Variants in MIR2052HG observed in about 807,000 individuals in gnomAD.
MIR2052HG encodes the protein MIR2052 host gene.
At chr8:74,670,930 C>T (rs965985351) in intron 2 of MIR2052HG, among the ~76,000 whole-genome samples, 4 of 151,802 alleles carry the variant, frequency 2.6e-5, no homozygotes, top group Non-Finnish European at 5.9e-5. Flanking sequence ...GTTTCTCTCT[C>T]ATTTTTTTCT....
intron 4 of MIR2052HG, among the ~76,000 whole-genome samples, chr8:74,752,215 G>A (rs1271341701): frequency 1.3e-5 from 2 of 149,848 alleles, no homozygotes; most frequent in South Asian, 2.1e-4. Flanking sequence ...CTGGGAGGTC[G>A]AGGCTACAGT....
chr8:74,671,698 G>A (rs1808994434), intron 2 of MIR2052HG, among the ~76,000 whole-genome samples: 2 of 152,122 alleles, frequency 1.3e-5, no homozygotes, highest in South Asian at 4.1e-4. Flanking sequence ...TGTGCTTTGT[G>A]GTGGTTGAGG....
intron 2 of MIR2052HG, among the ~76,000 whole-genome samples, chr8:74,671,469 A>G (rs1193756859): frequency 2.0e-5 from 3 of 152,166 alleles, no homozygotes; most frequent in African/African-American, 7.2e-5. Context: ...ATGAAATGGT[A>G]GAGTTGAGTT....
intron 2 of MIR2052HG, among the ~76,000 whole-genome samples, chr8:74,616,917 C>T (rs1006186878): frequency 2.0e-5 from 3 of 151,898 alleles, no homozygotes; most frequent in Non-Finnish European, 4.4e-5. Context: ...ATGCCACATG[C>T]CAGCTCTGTT....
intron 2 of MIR2052HG, among the ~76,000 whole-genome samples, chr8:74,655,306 C>T (rs933947870): frequency 1.3e-5 from 2 of 152,158 alleles, no homozygotes; most frequent in Non-Finnish European, 2.9e-5. Context: ...TGTTAATCCA[C>T]AAGACAATGG....
chr8:74,618,085 C>T (rs951088551), intron 2 of MIR2052HG, among the ~76,000 whole-genome samples: 1 of 152,186 alleles, frequency 6.6e-6, no homozygotes, highest in East Asian at 1.9e-4. Flanking sequence ...AACCTTTTCT[C>T]TGCTTCTCCA....
At chr8:74,733,038 C>A (rs941216749) in intron 4 of MIR2052HG, among the ~76,000 whole-genome samples, 1 of 150,804 alleles carries the variant, frequency 6.6e-6, no homozygotes, top group Non-Finnish European at 1.5e-5. Flanking sequence ...AATCAGAGAC[C>A]AATTAGGAGA....
intron 2 of MIR2052HG, among the ~76,000 whole-genome samples, chr8:74,643,362 A>T (rs1170554608): frequency 6.6e-6 from 1 of 152,196 alleles, no homozygotes; most frequent in Non-Finnish European, 1.5e-5. Context: ...TAAAAAAAAA[A>T]TTCTTTAAAG....
At position 74,603,908 on chromosome 8, in the gene MIR2052HG, TGA is replaced by T. The variant is rs1808065796; in HGVS notation, n.128+4006_128+4007del. On this transcript the variant is annotated intron_variant and non_coding_transcript_variant, in intron 1 of 6. Transcript: ENST00000523442. ...TTGATCTTGCAACCACCTTTTCCAA[TGA>T]GAGAGCCACACTGACTAGCAGGGAC... 6 of 1,107,818 alleles carry T rather than the reference TGA, an allele frequency of 5.4e-6. No individual in the cohort carries two copies. In the Admixed American group the frequency reaches 1.0e-4, roughly 19 times the overall value. The allele number at this position is 1,107,818 out of a possible 1,614,324, so 68.6% of individuals were successfully genotyped here.
intron 2 of MIR2052HG, among the ~76,000 whole-genome samples, chr8:74,674,136 TTGTGTGTGTGTGTGTG>T (rs60255659): frequency 6.9e-6 from 1 of 145,336 alleles, no homozygotes; most frequent in Non-Finnish European, 1.5e-5. Flanking sequence ...CCAGAGGTTT[TTGTGTGTGTGTGTGTG>T]TGTGTGTGTG....
intron 4 of MIR2052HG, among the ~76,000 whole-genome samples, chr8:74,713,276 T>C (rs269188): frequency 0.72 from 110,080 of 152,058 alleles, 41,232 homozygotes; most frequent in African/African-American, 0.93. Context: ...ATCTTCAGTG[T>C]AATCATCACC....
intron 2 of MIR2052HG, among the ~76,000 whole-genome samples, chr8:74,638,425 C>T (rs1363903017): frequency 3.9e-5 from 6 of 152,126 alleles, no homozygotes; most frequent in Non-Finnish European, 8.8e-5. Context: ...TACATTTTGA[C>T]ACTATCATAC....
chr8:74,684,638 T>A (rs1429146922), intron 2 of MIR2052HG, among the ~76,000 whole-genome samples: 1 of 152,064 alleles, frequency 6.6e-6, no homozygotes, highest in East Asian at 1.9e-4. Flanking sequence ...GCACTTAGAG[T>A]AAATAGAAAA....
intron 1 of MIR2052HG, among the ~76,000 whole-genome samples, chr8:74,604,743 G>C (rs1808087200): frequency 6.6e-6 from 1 of 151,776 alleles, no homozygotes; most frequent in African/African-American, 2.4e-5. Flanking sequence ...ACAGGCATGT[G>C]CCACCATGCC....
intron 4 of MIR2052HG, among the ~76,000 whole-genome samples, chr8:74,742,954 GA>G (rs1391218220): frequency 6.6e-6 from 1 of 151,644 alleles, no homozygotes; most frequent in Non-Finnish European, 1.5e-5. Context: ...TTTGGTTGTG[GA>G]AAAAAAATGA....
chr8:74,603,848 T>C (rs778933011), intron 1 of MIR2052HG: 15 of 890,520 alleles, frequency 1.7e-5, no homozygotes, highest in South Asian at 5.2e-5. Flanking sequence ...TCCCCTGCCA[T>C]CTAGACCTGA....
chr8:74,679,521 CTATTATTATTATTATTATTATTAT>C (rs71565406), intron 2 of MIR2052HG, among the ~76,000 whole-genome samples: 2 of 142,014 alleles, frequency 1.4e-5, no homozygotes, highest in East Asian at 2.0e-4. Context: ...GGCTTGTTTA[CTATTATTATTATTATTATTATTAT>C]TATTATTATT....
chr8:74,670,363 G>A (rs903064621), intron 2 of MIR2052HG, among the ~76,000 whole-genome samples: 7 of 152,088 alleles, frequency 4.6e-5, no homozygotes, highest in African/African-American at 1.7e-4. Flanking sequence ...AAATTTAAGT[G>A]CTATTCTTTC....
intron 2 of MIR2052HG, among the ~76,000 whole-genome samples, chr8:74,639,047 A>G (rs1165842785): frequency 1.3e-5 from 2 of 152,198 alleles, no homozygotes; most frequent in Non-Finnish European, 2.9e-5. Context: ...GAGTCCTTAG[A>G]AAACAAAGGA....
Sources: allele counts gnomAD v4.1 joint callset (sites outside exome capture counted in the v4.1 genomes callset), GRCh38; gene constraint gnomAD v4.1.1; transcripts MANE v1.5; gene names NCBI Gene and HGNC (gene_info 2026-07-23, HGNC 2026-07-21).